The following IQCM variants were observed in gnomAD, a reference collection of about 807,000 sequenced individuals.
IQCM encodes IQ motif containing M.
A neutral mutation model predicts 57.6 loss-of-function variants in IQCM; 45 were observed. The ratio of observed to expected loss-of-function variants is 0.78; its 90% CI spans 0.62 to 1.00. The LOEUF is 1.00. Ranked by LOEUF, IQCM falls within the 50% of genes least tolerant of loss-of-function variation. IQCM has a pLI of 0.00. For synonymous variants in IQCM, 148 were observed against 158.9 expected, an observed-to-expected ratio of 0.93 and a Z score of 0.51; for missense variants, 468 against 511.6, an observed-to-expected ratio of 0.91 and a Z score of 0.82.
chr4:149,758,368 A>T (rs1474916781), intron 2 of IQCM, among the ~76,000 whole-genome samples: 5 of 152,200 alleles, frequency 3.3e-5, no homozygotes, highest in Non-Finnish European at 7.4e-5. Context: ...ATGCAAAACC[A>T]TAAAACTCCT....
rs562069588 is a variant in IQCM, at chr4:149,642,418, T to C, written c.566-21174A>G. Among the ~76,000 whole-genome samples the C allele has an allele frequency of 2.6e-5, 4 of 152,308 alleles. No individual in the cohort carries two copies. In the South Asian group the frequency reaches 8.3e-4, roughly 32 times the overall value. ...CATTGGTGTGTAATTGAATAGATTC[T>C]TCGAATAGTTGCTATAAATTAATTC... On this transcript the variant is annotated intron_variant, in intron 7 of 13. Transcript: ENST00000636793.
At chr4:149,431,809 A>G (rs1734891764) in intron 13 of IQCM, among the ~76,000 whole-genome samples, 1 of 151,980 alleles carries the variant, frequency 6.6e-6, no homozygotes, top group Non-Finnish European at 1.5e-5. Context: ...GTACATCAAT[A>G]GTTCACTCCT....
intron 7 of IQCM, among the ~76,000 whole-genome samples, chr4:149,636,093 G>A (rs374773840): frequency 6.6e-6 from 1 of 151,984 alleles, no homozygotes; most frequent in African/African-American, 2.4e-5. Context: ...CAATGAGAAC[G>A]AACCAGACAG....
intron 7 of IQCM, among the ~76,000 whole-genome samples, chr4:149,670,591 C>A (rs1253326065): frequency 6.6e-6 from 1 of 152,126 alleles, no homozygotes; most frequent in Non-Finnish European, 1.5e-5. Flanking sequence ...TTTGCTCATT[C>A]AGTATCATAT....
intron 8 of IQCM, among the ~76,000 whole-genome samples, chr4:149,591,627 G>A (rs537540971): frequency 5.3e-5 from 8 of 151,640 alleles, no homozygotes; most frequent in Admixed American, 2.6e-4. Flanking sequence ...GACAGGCCCC[G>A]GTGTGTGATG....
In IQCM at chr4:149,626,741, G is replaced by A. The variant is rs544653112; in HGVS notation, c.566-5497C>T. 1.6e-3 allele frequency among the ~76,000 whole-genome samples: 237 copies of A among 152,126 alleles called. 1 individual carries two copies. The highest frequency in any genetic ancestry group is 5.5e-3 in the African/African-American group (230 of 41,522). ...TTCAATAAATACTATAATGATAAAG[G>A]AGAAGATGAAAATCTCAAGATCACA... On this transcript the variant is annotated intron_variant, in intron 7 of 13. Transcript: ENST00000636793.
intron 7 of IQCM, among the ~76,000 whole-genome samples, chr4:149,636,839 C>G (rs1340356692): frequency 1.3e-5 from 2 of 152,080 alleles, no homozygotes; most frequent in South Asian, 4.1e-4. Context: ...AGAAAACTAG[C>G]AGAACTAGAA....
intron 2 of IQCM, among the ~76,000 whole-genome samples, chr4:149,796,331 G>A (rs950516011): frequency 3.3e-5 from 5 of 152,168 alleles, no homozygotes; most frequent in African/African-American, 7.2e-5. Flanking sequence ...CTCTCCCTTC[G>A]GAAAGGGGAA....
chr4:149,811,769 G>A (rs1273333961), intron 2 of IQCM, among the ~76,000 whole-genome samples: 1 of 152,110 alleles, frequency 6.6e-6, no homozygotes, highest in African/African-American at 2.4e-5. Flanking sequence ...CCATCAAAAT[G>A]TCCATAACTA....
intron 7 of IQCM, among the ~76,000 whole-genome samples, chr4:149,622,281 C>G (rs914867840): frequency 6.6e-6 from 1 of 151,970 alleles, no homozygotes; most frequent in African/African-American, 2.4e-5. Context: ...AAGGCAAAAT[C>G]TCTAGAAGAG....
chr4:149,467,057 G>T (rs890022475), intron 12 of IQCM, among the ~76,000 whole-genome samples: 17 of 152,042 alleles, frequency 1.1e-4, no homozygotes, highest in African/African-American at 4.1e-4. Flanking sequence ...CTTTTGGGGG[G>T]GCACATATTT....
At chr4:149,390,275 A>G (rs1490764294) in intron 13 of IQCM, among the ~76,000 whole-genome samples, 6 of 152,060 alleles carry the variant, frequency 3.9e-5, no homozygotes, top group Admixed American at 1.3e-4. Context: ...ACTGATATAT[A>G]GAAATACAAT....
At chr4:149,777,992 T>G (rs950128895) in intron 2 of IQCM, among the ~76,000 whole-genome samples, 1 of 151,990 alleles carries the variant, frequency 6.6e-6, no homozygotes, top group African/African-American at 2.4e-5. Flanking sequence ...CAGGAAAATC[T>G]CCAAACCCAT....
chr4:149,613,054 G>A (rs1194358222), intron 8 of IQCM, among the ~76,000 whole-genome samples: 1 of 151,898 alleles, frequency 6.6e-6, no homozygotes, highest in Non-Finnish European at 1.5e-5. Flanking sequence ...TGAATAAAAA[G>A]AATTTTTAAA....
chr4:149,526,946 A>G (rs1746220357), intron 12 of IQCM, among the ~76,000 whole-genome samples: 1 of 152,144 alleles, frequency 6.6e-6, no homozygotes, highest in Non-Finnish European at 1.5e-5. Context: ...TTATTTTTAT[A>G]GCCTCTTGGA....
At chr4:149,762,097 T>C (rs578222906) in intron 2 of IQCM, among the ~76,000 whole-genome samples, 2 of 152,066 alleles carry the variant, frequency 1.3e-5, no homozygotes, top group Admixed American at 6.6e-5. Flanking sequence ...GGACAATATC[T>C]CTAGGTAAGG....
Position 149,733,483 on chromosome 4 carries a change from T to C in IQCM, c.146A>G (p.Asn49Ser). The C allele has an allele frequency of 4.1e-6, 5 of 1,228,112 alleles. No homozygotes were observed. Among genetic ancestry groups the C allele is most frequent in the Non-Finnish European group, 5.1e-6 (5 of 984,388 alleles). The allele number at this position is 1,228,112 out of a possible 1,614,324, so 76.1% of individuals were successfully genotyped here. The stretch of plus-strand genomic sequence containing the variant: ...TTTTTGGTGTTTCTTTCTAAAAACA[T>C]TTATAGAAGTACCTTGAACTTTATT... ...NENKVQGTSI[N>S]VFRKKHQKPK... Residue 49 changes from asparagine (N) to serine (S), a missense_variant, in exon 5 of 14, where the codon AAT becomes AGT. Transcript: ENST00000636793.
At chr4:149,591,787 C>T (rs1456835414) in intron 8 of IQCM, among the ~76,000 whole-genome samples, 2 of 152,130 alleles carry the variant, frequency 1.3e-5, no homozygotes, top group African/African-American at 2.4e-5. Flanking sequence ...TGAACTCATC[C>T]TTTTTTATGT....
At chr4:149,386,680 T>C (rs2111061650) in intron 13 of IQCM, among the ~76,000 whole-genome samples, 1 of 152,136 alleles carries the variant, frequency 6.6e-6, no homozygotes, top group South Asian at 2.1e-4. Context: ...GTGTGTTTGG[T>C]TATGTCTTCT....
Sources: gnomAD v4.1 joint callset for allele counts (sites outside exome capture counted in the v4.1 genomes callset) on GRCh38, gnomAD v4.1.1 for gene constraint, MANE v1.5 for transcripts, NCBI Gene and HGNC (gene_info 2026-07-23, HGNC 2026-07-21) for gene names.